The following CACYBP variants were observed in gnomAD, a reference collection of about 807,000 sequenced individuals.
CACYBP encodes calcyclin binding protein, also known as calcyclin-binding protein.
A neutral mutation model predicts 29.6 loss-of-function variants in CACYBP; 11 were observed. The observed-to-expected ratio is 0.37, with a 90% CI of 0.23 to 0.61. The LOEUF is 0.61. Among genes scored for constraint, CACYBP ranks in the 20% least tolerant of loss-of-function variants. The pLI is 0.65. For synonymous variants in CACYBP, 73 were observed against 88.3 expected (o/e 0.83, Z 0.97); for missense variants, 163 against 260.7 (o/e 0.63, Z 2.58).
At chr1:175,007,479 A>G (rs759224591) in intron 4 of CACYBP, among the ~76,000 whole-genome samples, 5 of 152,106 alleles carry the variant, frequency 3.3e-5, no homozygotes, top group African/African-American at 4.8e-5. Context: ...ACATTTGCCA[A>G]CTCCTTTTGT....
At position 175,010,307 on chromosome 1, in the gene CACYBP, CAAGG is replaced by C; in HGVS notation, c.*233_*236del. On this transcript the variant is annotated 3_prime_UTR_variant, in exon 6 of 6. Transcript: ENST00000367679. ...TTATTAGTACCCTGGTCATTTTGTT[CAAGG>C]AAGGGTTATATTGCATTCTCACGTG... is the stretch of plus-strand genomic sequence containing the variant. 1 of 355,348 alleles carries C rather than the reference CAAGG, an allele frequency of 2.8e-6. No individual in the cohort carries two copies. The highest frequency in any genetic ancestry group is 7.6e-4 in the Middle Eastern group (1 of 1,322). 22.0% of individuals were successfully genotyped at this position (355,348 alleles called of 1,614,324 possible). A position where few individuals can be genotyped will look rare whatever the true frequency, so the allele number is the denominator to read the frequency against.
At chr1:175,007,658 A>G (rs1672650676) in intron 4 of CACYBP, among the ~76,000 whole-genome samples, 1 of 152,218 alleles carries the variant, frequency 6.6e-6, no homozygotes, top group Admixed American at 6.5e-5. Context: ...CGATAGTAAT[A>G]ATTTATTTCA....
chr1:175,006,491 G>T (rs968133611), intron 2 of CACYBP: 2 of 298,826 alleles, frequency 6.7e-6, no homozygotes, highest in Admixed American at 1.0e-4. Context: ...AAAGAGCATA[G>T]GTTTTGTATT....
chr1:175,004,721 G>C lies in CACYBP; in HGVS notation c.123G>C (p.Lys41Asn). ...AEKSKIETEI[K>N]NKMQQKSQKK... ...AATCCAAGATTGAGACAGAAATCAA[G>C]AACAAGATGCAACAGAAATCACAGA... is the stretch of plus-strand genomic sequence containing the variant. Residue 41 changes from lysine (K) to asparagine (N), a missense_variant, in exon 2 of 6, where the codon AAG becomes AAC. Lys to Asn is a moderately conservative substitution (Grantham distance 94). Transcript: ENST00000367679. 2 of 1,613,900 alleles carry C rather than the reference G, an allele frequency of 1.2e-6. No homozygotes were observed. The highest frequency in any genetic ancestry group is 1.7e-6 in the Non-Finnish European group (2 of 1,179,800).
At position 175,010,439 on chromosome 1, in the gene CACYBP, C is replaced by T. The variant is rs1672720733; in HGVS notation, c.*360C>T. ...ATTTGCTTGCCTTTTAAGTTACTGA[C>T]ATCAGCTTCCACCAGTGTAAAAATT... On this transcript the variant is annotated 3_prime_UTR_variant, in exon 6 of 6. Coordinates refer to ENST00000367679, the MANE Select transcript of CACYBP (RefSeq NM_014412.3). The T allele has an allele frequency of 6.3e-6, 1 of 159,370 alleles. No homozygotes were observed. Among genetic ancestry groups the T allele is most frequent in the Admixed American group, 6.4e-5 (1 of 15,688 alleles). The allele number at this position is 159,370 out of a possible 1,614,324, so 9.9% of individuals were successfully genotyped here.
chr1:175,003,769 G>A (rs1558324343), intron 1 of CACYBP, among the ~76,000 whole-genome samples: 1 of 151,726 alleles, frequency 6.6e-6, no homozygotes, highest in Non-Finnish European at 1.5e-5. Flanking sequence ...GTAATTGGGG[G>A]AAAAAAAACT....
Position 175,000,068 on chromosome 1 carries a change from C to T in CACYBP, c.-113C>T. 1.4e-6 allele frequency: 2 copies of T among 1,424,950 alleles called. No individual in the cohort carries two copies. The highest frequency in any genetic ancestry group is 1.9e-6 in the Non-Finnish European group (2 of 1,034,032). The allele number at this position is 1,424,950 out of a possible 1,614,324, so 88.3% of individuals were successfully genotyped here. On this transcript the variant is annotated 5_prime_UTR_variant, in exon 1 of 6. Coordinates refer to ENST00000367679, the MANE Select transcript of CACYBP (RefSeq NM_014412.3). ...GGGTCGGTGTGGGCGCAGGCTGCAGCGCCGCGACTCGTGCGGGTAGGCGTC... is the reference window on the plus strand; with the variant it reads ...GGGTCGGTGTGGGCGCAGGCTGCAGTGCCGCGACTCGTGCGGGTAGGCGTC...
At position 175,006,891 on chromosome 1, in the gene CACYBP, CCTTATCTTGAGACT is replaced by C. The variant is rs751407379; in HGVS notation, c.332+53_332+66del. ...GACAGTGAATTAACAGTCAACATTG[CCTTATCTTGAGACT>C]CTCTTCTTTGCAGTTTTTAAAATTC... On this transcript the variant is annotated intron_variant, in intron 3 of 5. Coordinates refer to ENST00000367679, the MANE Select transcript of CACYBP (RefSeq NM_014412.3). 7 of 1,043,806 alleles carry C rather than the reference CCTTATCTTGAGACT, an allele frequency of 6.7e-6. No homozygotes were observed. In the South Asian group the frequency reaches 9.2e-5, roughly 14 times the overall value. The allele number at this position is 1,043,806 out of a possible 1,614,324, so 64.7% of individuals were successfully genotyped here. A position where few individuals can be genotyped will look rare whatever the true frequency, so the allele number is the denominator to read the frequency against.
intron 1 of CACYBP, among the ~76,000 whole-genome samples, chr1:175,001,586 C>T (rs1383762792): frequency 6.6e-6 from 1 of 152,204 alleles, no homozygotes; most frequent in Non-Finnish European, 1.5e-5. Flanking sequence ...CTGTATGTGG[C>T]CTTTTGTTTT....
chr1:175,011,050 G>A lies in CACYBP; in HGVS notation c.*971G>A, dbSNP rs1249743444. On this transcript the variant is annotated 3_prime_UTR_variant, in exon 6 of 6. Transcript: ENST00000367679. Reference sequence around the variant, plus strand: ...GCCCAGGAGTTTAAGGCTGCAGTGAGCTATGATGATGCCACTGTACTGCAG... The same window carrying A: ...GCCCAGGAGTTTAAGGCTGCAGTGAACTATGATGATGCCACTGTACTGCAG... 1 of 147,938 alleles carries A rather than the reference G, an allele frequency of 6.8e-6. No individual in the cohort carries two copies. The highest frequency in any genetic ancestry group is 2.0e-4 in the East Asian group (1 of 4,892). 9.2% of individuals were successfully genotyped at this position (147,938 alleles called of 1,614,324 possible).
intron 2 of CACYBP, chr1:175,006,471 T>C (rs1236163650): frequency 4.0e-6 from 1 of 253,032 alleles, no homozygotes; most frequent in African/African-American, 2.3e-5. Flanking sequence ...ATTTTTATTC[T>C]GAGGGATAAA....
At chr1:175,008,560 T>C (rs113585434) in intron 4 of CACYBP, 49 bp from the exon 5 acceptor site, 4 of 843,940 alleles carry the variant, frequency 4.7e-6, no homozygotes, top group Non-Finnish European at 8.1e-6. Context: ...ATATTCATGC[T>C]TATCTCCATG....
Position 175,011,496 on chromosome 1 carries a change from A to C in CACYBP, c.*1417A>C, listed in dbSNP as rs1672755718. ...GGAAAACGACATTATATGTGACTTAAAACCTAGAAGAAATAAATAAAACTA... is the reference window on the plus strand; with the variant it reads ...GGAAAACGACATTATATGTGACTTACAACCTAGAAGAAATAAATAAAACTA... On this transcript the variant is annotated 3_prime_UTR_variant, in exon 6 of 6. Coordinates refer to ENST00000367679, the MANE Select transcript of CACYBP (RefSeq NM_014412.3). The C allele has an allele frequency of 6.6e-6, 1 of 152,234 alleles. No individual in the cohort carries two copies. The highest frequency in any genetic ancestry group is 1.9e-4 in the East Asian group (1 of 5,204). The allele number at this position is 152,234 out of a possible 1,614,324, so 9.4% of individuals were successfully genotyped here.
intron 5 of CACYBP, chr1:175,008,993 A>T: frequency 3.8e-6 from 1 of 265,042 alleles, no homozygotes; most frequent in Non-Finnish European, 7.1e-6. Flanking sequence ...GTATGTTTTA[A>T]ATTTCTCAGA....
intron 1 of CACYBP, chr1:175,000,471 A>G: frequency 7.4e-6 from 10 of 1,354,056 alleles, no homozygotes; most frequent in Non-Finnish European, 9.5e-6. Context: ...TGGGTCTGGG[A>G]GAGCGGCCCT....
rs747598747 is a variant in CACYBP, at chr1:175,009,955, G to C, written c.563G>C (p.Ser188Thr). 6.2e-7 allele frequency: 1 copy of C among 1,613,254 alleles called. No individual in the cohort carries two copies. Among genetic ancestry groups the C allele is most frequent in the East Asian group, 2.2e-5 (1 of 44,856 alleles). ...KPSYDTETDPSEGLMNVLKKI... is the reference protein window; with the variant it reads ...KPSYDTETDPTEGLMNVLKKI... ...TCCTATGACACTGAAACAGATCCTA[G>C]TGAGGGATTGATGAATGTTCTAAAG... The change falls in exon 6 of 6, where the codon AGT becomes ACT. Residue 188 changes from serine (S) to threonine (T), a missense_variant. Ser to Thr is a moderately conservative substitution (Grantham distance 58, BLOSUM62 1). Coordinates refer to ENST00000367679, the MANE Select transcript of CACYBP (RefSeq NM_014412.3).
In CACYBP at chr1:175,011,953, A is replaced by C. The variant is rs1672768050; in HGVS notation, c.*1874A>C. ...CCCTGTCTCTACTGAAAATAAAAAA[A>C]ACTAGCTGGGCATGGTGGCAGATGC... On this transcript the variant is annotated 3_prime_UTR_variant, in exon 6 of 6. Transcript: ENST00000367679. Among the ~76,000 whole-genome samples, 1 of 152,198 alleles carries C rather than the reference A, an allele frequency of 6.6e-6. No homozygotes were observed. Among genetic ancestry groups the C allele is most frequent in the Non-Finnish European group, 1.5e-5 (1 of 68,034 alleles).
rs1672722094 is a variant in CACYBP, at chr1:175,010,507, G to T, written c.*428G>T. On this transcript the variant is annotated 3_prime_UTR_variant, in exon 6 of 6. Coordinates refer to ENST00000367679, the MANE Select transcript of CACYBP (RefSeq NM_014412.3). ...TTGCATAAAATGCAAATCGGTGCCTGTGCTTGAAGGTTGCTGTAGAGCATC... is the reference window on the plus strand; with the variant it reads ...TTGCATAAAATGCAAATCGGTGCCTTTGCTTGAAGGTTGCTGTAGAGCATC... The T allele has an allele frequency of 6.5e-6, 1 of 154,124 alleles. No homozygotes were observed. Among genetic ancestry groups the T allele is most frequent in the Non-Finnish European group, 1.4e-5 (1 of 69,412 alleles). The allele number at this position is 154,124 out of a possible 1,614,324, so 9.5% of individuals were successfully genotyped here.
In CACYBP at chr1:175,011,717, A is replaced by AAAAG. The variant is rs1672761621; in HGVS notation, c.*1641_*1644dup. ...ACCAGTGTTTTTACCTTTCACTTGA[A>AAAAG]AAAGAAGTATAAAAACAACTGTATT... On this transcript the variant is annotated 3_prime_UTR_variant, in exon 6 of 6. Transcript: ENST00000367679. 1 of 152,224 alleles carries AAAAG rather than the reference A, an allele frequency of 6.6e-6. No individual in the cohort carries two copies. Among genetic ancestry groups the AAAAG allele is most frequent in the African/African-American group, 2.4e-5 (1 of 41,460 alleles). 9.4% of individuals were successfully genotyped at this position (152,224 alleles called of 1,614,324 possible). A position where few individuals can be genotyped will look rare whatever the true frequency, so the allele number is the denominator to read the frequency against.
Sources: gnomAD v4.1 joint callset for allele counts (sites outside exome capture counted in the v4.1 genomes callset) on GRCh38, gnomAD v4.1.1 for gene constraint, MANE v1.5 for transcripts, NCBI Gene and HGNC (gene_info 2026-07-23, HGNC 2026-07-21) for gene names.